Variants in GBP3 observed in about 807,000 individuals in gnomAD.
GBP3 encodes guanylate binding protein 3.
GBP3 carries 55 observed loss-of-function variants against 62.4 expected under a neutral mutation model. The ratio of observed to expected loss-of-function variants is 0.88; its 90% CI spans 0.71 to 1.10. The LOEUF is 1.10. Among genes scored for constraint, GBP3 ranks in the 50% least tolerant of loss-of-function variants. The pLI, the probability that GBP3 is intolerant of heterozygous loss-of-function variation, is 0.00. For synonymous variants in GBP3, 208 were observed against 259.2 expected (o/e 0.80, Z 1.90); for missense variants, 605 against 690.6 (o/e 0.88, Z 1.39).
chr1:89,007,493 G>A lies in GBP3; in HGVS notation c.*231C>T, dbSNP rs1011204085. ...CTGGAAGAATAAACTTCTGAGTGGT[G>A]GCAACTCATGATCCCTCCTCTGTTG... On this transcript the variant is annotated 3_prime_UTR_variant, in exon 11 of 11. Coordinates refer to ENST00000370481, the MANE Select transcript of GBP3 (RefSeq NM_018284.3). The A allele has an allele frequency of 2.7e-6, 1 of 371,350 alleles. No homozygotes were observed. The highest frequency in any genetic ancestry group is 4.8e-6 in the Non-Finnish European group (1 of 206,906). The allele number at this position is 371,350 out of a possible 1,614,324, so 23.0% of individuals were successfully genotyped here.
In GBP3 at chr1:89,015,426, A is replaced by G. The variant is rs1477885398; in HGVS notation, c.191-12T>C. 6.2e-7 allele frequency: 1 copy of G among 1,606,548 alleles called. No homozygotes were observed. The highest frequency in any genetic ancestry group is 1.1e-5 in the South Asian group (1 of 89,500). On this transcript the variant is annotated splice_polypyrimidine_tract_variant and intron_variant, in intron 2 of 10. Coordinates refer to ENST00000370481, the MANE Select transcript of GBP3 (RefSeq NM_018284.3). ...GCCCAGAGAGAAGCCTGTAAAGGAG[A>G]GATGGGATAAGAAGGGCTGGAGGTT...
chr1:89,022,109 A>G (rs1339034296), intron 1 of GBP3, among the ~76,000 whole-genome samples: 2 of 151,930 alleles, frequency 1.3e-5, no homozygotes, highest in Admixed American at 1.3e-4. Flanking sequence ...GATTATTTCT[A>G]GAGAAACAAT....
intron 8 of GBP3, among the ~76,000 whole-genome samples, chr1:89,009,995 T>C (rs972724929): frequency 5.3e-5 from 8 of 152,150 alleles, no homozygotes; most frequent in Non-Finnish European, 1.2e-4. Context: ...GCAACCATCA[T>C]TGGGTTTCTG....
intron 2 of GBP3, among the ~76,000 whole-genome samples, chr1:89,019,477 G>A (rs142485212): frequency 0.011 from 1,721 of 152,230 alleles, 22 homozygotes; most frequent in African/African-American, 0.038. Context: ...TAGTAAAGAC[G>A]GGGTTTCTCC....
chr1:89,006,839 A>G lies in GBP3; in HGVS notation c.*885T>C, dbSNP rs906910307. ...TTATTGCTCAAAAGAAAGTCAAAAA[A>G]ATTCCATATTCCCTTTGGGGAAAAT... On this transcript the variant is annotated 3_prime_UTR_variant, in exon 11 of 11. Coordinates refer to ENST00000370481, the MANE Select transcript of GBP3 (RefSeq NM_018284.3). 1 of 152,254 alleles carries G rather than the reference A, an allele frequency of 6.6e-6. No homozygotes were observed. The highest frequency in any genetic ancestry group is 2.4e-5 in the African/African-American group (1 of 41,462). The allele number at this position is 152,254 out of a possible 1,614,324, so 9.4% of individuals were successfully genotyped here.
At chr1:89,013,975 T>C in intron 5 of GBP3, 108 bp downstream of exon 5, 1 of 1,213,818 alleles carries the variant, frequency 8.2e-7, no homozygotes, top group Non-Finnish European at 1.2e-6. Context: ...AATAGCAAGC[T>C]AGAGATATAG....
intron 10 of GBP3, among the ~76,000 whole-genome samples, chr1:89,008,341 G>A (rs1484021674): frequency 6.6e-6 from 1 of 151,038 alleles, no homozygotes; most frequent in African/African-American, 2.4e-5. Context: ...GGAAATCCGA[G>A]TGCCAGACTT....
In GBP3 at chr1:89,010,904, C is replaced by T; in HGVS notation, c.1362G>A (p.Gln454=). 6.8e-7 allele frequency: 1 copy of T among 1,461,670 alleles called. No individual in the cohort carries two copies. Among genetic ancestry groups the T allele is most frequent in the Non-Finnish European group, 9.5e-7 (1 of 1,054,988 alleles). 90.5% of individuals were successfully genotyped at this position (1,461,670 alleles called of 1,614,324 possible). The part of the protein sequence containing the change: ...KYYEEPRKGI[Q]AEEILQTYLK... ...TAATCGACAGATGAATCTTGGTTAC[C>T]TGTATCCCCTTCCTTGGTTCCTCAT... The change falls in exon 8 of 11, where the codon CAG becomes CAA. Residue 454 remains glutamine, a splice_region_variant and synonymous_variant. Coordinates refer to ENST00000370481, the MANE Select transcript of GBP3 (RefSeq NM_018284.3).
At position 89,013,777 on chromosome 1, in the gene GBP3, T is replaced by G. The variant is rs1678721177; in HGVS notation, c.625+306A>C. 5 of 417,852 alleles carry G rather than the reference T, an allele frequency of 1.2e-5. No homozygotes were observed. The South Asian group carries it at 1.6e-4, about 14-fold the overall frequency. 25.9% of individuals were successfully genotyped at this position (417,852 alleles called of 1,614,324 possible). ...TAAATACAGAATCACGAACCCTACA[T>G]AAGGAGATAAAATTTACCTAAATTG... On this transcript the variant is annotated intron_variant, in intron 5 of 10. Coordinates refer to ENST00000370481, the MANE Select transcript of GBP3 (RefSeq NM_018284.3).
chr1:89,019,093 G>T (rs1044996434), intron 2 of GBP3, among the ~76,000 whole-genome samples: 15 of 152,208 alleles, frequency 9.9e-5, no homozygotes, highest in Admixed American at 6.5e-5. Flanking sequence ...GACTATATGA[G>T]CCATCAGTTC....
At chr1:89,017,702 A>C (rs776243558) in intron 2 of GBP3, among the ~76,000 whole-genome samples, 3 of 152,242 alleles carry the variant, frequency 2.0e-5, no homozygotes, top group South Asian at 4.1e-4. Context: ...AAAGATGCTC[A>C]ACATTACTAG....
At chr1:89,021,801 GAGA>G (rs1277662062) in intron 1 of GBP3, among the ~76,000 whole-genome samples, 4 of 126,910 alleles carry the variant, frequency 3.2e-5, no homozygotes, top group Admixed American at 2.9e-4. Flanking sequence ...GAGAGAGAGA[GAGA>G]GAGAGAGAGA....
intron 6 of GBP3, 106 bp downstream of exon 6, chr1:89,013,079 C>G (rs1678663126): frequency 1.6e-6 from 2 of 1,254,490 alleles, no homozygotes. Flanking sequence ...CTCAAGTGAT[C>G]TGCCCTCCTC....
At position 89,014,643 on chromosome 1, in the gene GBP3, T is replaced by C. The variant is rs971601836; in HGVS notation, c.332A>G (p.Asn111Ser). The change falls in exon 4 of 11, where the codon AAT (asparagine) becomes AGT (serine). Residue 111 changes from asparagine (N) to serine (S), a missense_variant. Physicochemically the swap from Asn to Ser is conservative, Grantham distance 46 (BLOSUM62 1). Coordinates refer to ENST00000370481, the MANE Select transcript of GBP3 (RefSeq NM_018284.3). ...GGCCAGGGTGAAGATCCAGGAGTCA[T>C]TCTGGTTGTCACCCTGGAAGTCAAG... ...LGDVKKGDNQ[N>S]DSWIFTLAVL... 1 of 1,613,958 alleles carries C rather than the reference T, an allele frequency of 6.2e-7. No homozygotes were observed. The highest frequency in any genetic ancestry group is 8.5e-7 in the Non-Finnish European group (1 of 1,179,964).
chr1:89,008,461 C>T (rs1490453396), intron 10 of GBP3, among the ~76,000 whole-genome samples: 1 of 147,676 alleles, frequency 6.8e-6, no homozygotes, highest in Non-Finnish European at 1.5e-5. Flanking sequence ...GTTAGGGAGT[C>T]CTTCTGCTCA....
At chr1:89,014,053 C>T (rs1214769354) in intron 5 of GBP3, 30 bp downstream of exon 5, 2 of 1,602,084 alleles carry the variant, frequency 1.2e-6, no homozygotes, top group African/African-American at 1.3e-5. Context: ...GTTTTGTCGT[C>T]CTCATTTATC....
Position 89,010,908 on chromosome 1 carries a change from A to G in GBP3, c.1358T>C (p.Ile453Thr), listed in dbSNP as rs1254612078. ...CGACAGATGAATCTTGGTTACCTGT[A>G]TCCCCTTCCTTGGTTCCTCATAGTA... Reference protein sequence around the residue: ...KKYYEEPRKGIQAEEILQTYL... With the variant: ...KKYYEEPRKGTQAEEILQTYL... Residue 453 changes from isoleucine (I) to threonine (T), a missense_variant, in exon 8 of 11, where the codon ATA becomes ACA. Ile to Thr is a moderately conservative substitution (Grantham distance 89). Coordinates refer to ENST00000370481, the MANE Select transcript of GBP3 (RefSeq NM_018284.3). The G allele has an allele frequency of 3.4e-6, 5 of 1,461,766 alleles. No individual in the cohort carries two copies. The African/African-American group carries it at 5.4e-5, about 16-fold the overall frequency. The allele number at this position is 1,461,766 out of a possible 1,614,324, so 90.5% of individuals were successfully genotyped here.
intron 5 of GBP3, 144 bp from the exon 6 acceptor site, chr1:89,013,571 A>C: frequency 1.2e-6 from 1 of 822,128 alleles, no homozygotes; most frequent in Non-Finnish European, 1.9e-6. Context: ...AGCTTTAGAC[A>C]ATATGTAAAT....
intron 1 of GBP3, among the ~76,000 whole-genome samples, chr1:89,021,504 G>A (rs998301220): frequency 3.0e-5 from 2 of 66,294 alleles, no homozygotes; most frequent in Middle Eastern, 7.9e-3. Context: ...ACGCATGCGC[G>A]CGCGCGCACA....
Sources: gnomAD v4.1 joint callset for allele counts (sites outside exome capture counted in the v4.1 genomes callset) on GRCh38, gnomAD v4.1.1 for gene constraint, MANE v1.5 for transcripts, NCBI Gene and HGNC (gene_info 2026-07-23, HGNC 2026-07-21) for gene names.